The following ANP32B variants were observed in gnomAD, a reference collection of about 807,000 sequenced individuals.
ANP32B encodes acidic leucine-rich nuclear phosphoprotein 32 family member B.
In ANP32B, 6 loss-of-function variants were observed where a neutral mutation model predicts 32.2. The observed-to-expected ratio is 0.19, with a 90% confidence interval of 0.10 to 0.37. ANP32B has a LOEUF of 0.37. Ranked by LOEUF, ANP32B falls within the 10% of genes least tolerant of loss-of-function variation. The pLI is 1.00. For missense variants in ANP32B, 204 were observed against 289.2 expected (o/e 0.71, Z 2.14); for synonymous variants, 98 against 105.8 (o/e 0.93, Z 0.45).
chr9:98,002,449 A>G (rs1047237886), intron 3 of ANP32B: 1 of 152,188 alleles, frequency 6.6e-6, no homozygotes, highest in African/African-American at 2.4e-5. Context: ...ATTAGCTTAC[A>G]TCAAATTTCT....
At chr9:98,012,773 C>T (rs890757307) in intron 6 of ANP32B, among the ~76,000 whole-genome samples, 3 of 152,200 alleles carry the variant, frequency 2.0e-5, no homozygotes, top group African/African-American at 4.8e-5. Flanking sequence ...CTCTGTTGCC[C>T]AGGCTGGAGT....
At chr9:97,987,782 T>C (rs1433819897) in intron 1 of ANP32B, 1 of 152,206 alleles carries the variant, frequency 6.6e-6, no homozygotes, top group African/African-American at 2.4e-5. Context: ...TGAGAAAAAA[T>C]GTAGATTGTC....
chr9:98,012,633 G>C (rs1225009639), intron 6 of ANP32B, among the ~76,000 whole-genome samples, 161 bp downstream of exon 6: 2 of 152,206 alleles, frequency 1.3e-5, no homozygotes, highest in Admixed American at 1.3e-4. Context: ...GTGTGTCTGT[G>C]CTGGTGCAGG....
intron 1 of ANP32B, among the ~76,000 whole-genome samples, chr9:97,989,079 A>T (rs973144757): frequency 1.3e-5 from 2 of 152,182 alleles, no homozygotes; most frequent in Admixed American, 1.3e-4. Context: ...AAAGGAAAAA[A>T]AATGTTTCCA....
In ANP32B at chr9:98,015,731, GC is replaced by G; in HGVS notation, c.*301del. ...GTGATTGGTGAGTCAACCGTCTGTG[GC>G]TACCAGTTACACTGAGATTGTAACA... On this transcript the variant is annotated 3_prime_UTR_variant, in exon 7 of 7. Coordinates refer to ENST00000339399, the MANE Select transcript of ANP32B (RefSeq NM_006401.3). The G allele has an allele frequency of 9.6e-7, 1 of 1,037,544 alleles. No individual in the cohort carries two copies. 64.3% of individuals were successfully genotyped at this position (1,037,544 alleles called of 1,614,324 possible). A position where few individuals can be genotyped will look rare whatever the true frequency, so the allele number is the denominator to read the frequency against.
At chr9:97,994,255 C>A (rs527915205) in intron 1 of ANP32B, among the ~76,000 whole-genome samples, 7 of 152,112 alleles carry the variant, frequency 4.6e-5, no homozygotes, top group Non-Finnish European at 8.8e-5. Context: ...TAAGGTAGAC[C>A]CAGCCTAAAG....
rs1827945524 is a variant in ANP32B at position 97,998,805 on chromosome 9, T to G, written c.327+127T>G. On this transcript the variant is annotated intron_variant, in intron 3 of 6. Transcript: ENST00000339399. The stretch of plus-strand genomic sequence containing the variant: ...AGTGGTGGCTTTTTTTTTTTTTTTT[T>G]TTTTTTTTTTTTTTTTTTTTGAGAC... 5.6e-5 allele frequency: 6 copies of G among 106,520 alleles called. No homozygotes were observed. The South Asian group carries it at 1.4e-3, about 24-fold the overall frequency. 6.6% of individuals were successfully genotyped at this position (106,520 alleles called of 1,614,324 possible).
chr9:98,013,010 G>T (rs994049092), intron 6 of ANP32B, among the ~76,000 whole-genome samples: 1 of 152,156 alleles, frequency 6.6e-6, no homozygotes, highest in Non-Finnish European at 1.5e-5. Context: ...GATTACAGGC[G>T]TGAGCCACCA....
chr9:97,985,726 A>G (rs1443375606), intron 1 of ANP32B, among the ~76,000 whole-genome samples: 1 of 152,270 alleles, frequency 6.6e-6, no homozygotes, highest in Non-Finnish European at 1.5e-5. Flanking sequence ...TGGGAAACAC[A>G]GTTGGTCTGC....
chr9:98,002,275 G>A (rs1828006582), intron 3 of ANP32B: 2 of 152,112 alleles, frequency 1.3e-5, no homozygotes, highest in African/African-American at 4.8e-5. Context: ...GCTTGCTACA[G>A]GGACATTAAT....
At chr9:97,986,229 G>A (rs1006472211) in intron 1 of ANP32B, among the ~76,000 whole-genome samples, 2 of 152,244 alleles carry the variant, frequency 1.3e-5, no homozygotes, top group Admixed American at 1.3e-4. Flanking sequence ...CACATTTCAA[G>A]TGCTCAGACG....
chr9:97,999,759 G>A (rs1030093409), intron 3 of ANP32B, among the ~76,000 whole-genome samples: 2 of 152,192 alleles, frequency 1.3e-5, no homozygotes, highest in Non-Finnish European at 2.9e-5. Flanking sequence ...TGTGTAAGTT[G>A]TAGTGGCCAG....
Position 97,983,575 on chromosome 9 carries a change from T to G in ANP32B, c.20T>G (p.Ile7Ser). 6.3e-7 allele frequency: 1 copy of G among 1,587,406 alleles called. No individual in the cohort carries two copies. Among genetic ancestry groups the G allele is most frequent in the Non-Finnish European group, 8.6e-7 (1 of 1,167,794 alleles). The change falls in exon 1 of 7, where the codon ATC becomes AGC. Residue 7 changes from isoleucine (I) to serine (S), a missense_variant. Ile to Ser is a moderately radical substitution (Grantham distance 142). Coordinates refer to ENST00000339399, the MANE Select transcript of ANP32B (RefSeq NM_006401.3). The stretch of plus-strand genomic sequence containing the variant: ...GGGAACATGGACATGAAGAGGAGGA[T>G]CCACCTGGAGCTGAGGAACCGGACC... MDMKRR[I>S]HLELRNRTPA...
In ANP32B at chr9:97,983,525, G is replaced by C. The variant is rs757211452; in HGVS notation, c.-31G>C. ...CCCCCCTCCGCCCCCGCCGCGGAAA[G>C]TTAAGTTTGAAGAGGGGGGAAGAGG... On this transcript the variant is annotated 5_prime_UTR_variant, in exon 1 of 7. Coordinates refer to ENST00000339399, the MANE Select transcript of ANP32B (RefSeq NM_006401.3). 9.0e-6 allele frequency: 14 copies of C among 1,551,744 alleles called. No individual in the cohort carries two copies. Among genetic ancestry groups the C allele is most frequent in the South Asian group, 7.2e-5 (6 of 83,558 alleles).
intron 3 of ANP32B, among the ~76,000 whole-genome samples, chr9:98,002,964 A>G (rs1218344270): frequency 1.3e-5 from 2 of 152,228 alleles, no homozygotes; most frequent in African/African-American, 4.8e-5. Context: ...GCTGGCATCG[A>G]GTCAGCCTTT....
chr9:97,984,125 C>T (rs1330523822), intron 1 of ANP32B, among the ~76,000 whole-genome samples: 1 of 149,792 alleles, frequency 6.7e-6, no homozygotes, highest in African/African-American at 2.4e-5. Flanking sequence ...GGCGCCGGCC[C>T]GGCCGAGGTC....
Position 98,012,420 on chromosome 9 carries a change from GGAA to G in ANP32B, c.643_645del (p.Glu215del), listed in dbSNP as rs1459645916. 4 of 1,611,484 alleles carry G rather than the reference GGAA, an allele frequency of 2.5e-6. No homozygotes were observed. The African/African-American group carries it at 4.0e-5, about 16-fold the overall frequency. On this transcript the variant is annotated inframe_deletion and splice_region_variant, in exon 6 of 7. Transcript: ENST00000339399. ...ATGTTATGCTGTTTGCTATTCTTTA[GGAA>G]GAAGAATTTGGACTTGATGAAGAAG...
intron 4 of ANP32B, among the ~76,000 whole-genome samples, chr9:98,006,725 G>T (rs1388101251): frequency 1.3e-5 from 2 of 152,224 alleles, no homozygotes; most frequent in East Asian, 3.8e-4. Context: ...GGGCACAGTG[G>T]CTCATGCCTG....
At chr9:97,998,742 AGT>A in intron 3 of ANP32B, 64 bp downstream of exon 3, 1 of 1,187,328 alleles carries the variant, frequency 8.4e-7, no homozygotes, top group Non-Finnish European at 1.1e-6. Flanking sequence ...ATTTCTTTAT[AGT>A]GGGGGAAATT....
Sources: allele counts gnomAD v4.1 joint callset (sites outside exome capture counted in the v4.1 genomes callset), GRCh38; gene constraint gnomAD v4.1.1; transcripts MANE v1.5; gene names NCBI Gene and HGNC (gene_info 2026-07-23, HGNC 2026-07-21).